Variants in HMGXB3 observed in about 807,000 individuals in gnomAD.
HMGXB3 encodes the protein HMG domain-containing protein 3.
HMGXB3 carries 45 observed loss-of-function variants against 121.5 expected under a neutral mutation model. The observed-to-expected ratio is 0.37, with a 90% CI of 0.29 to 0.47. The LOEUF is 0.47. Ranked by LOEUF, HMGXB3 falls within the 20% of genes least tolerant of loss-of-function variation. The pLI, the probability that HMGXB3 is intolerant of heterozygous loss-of-function variation, is 0.99. For synonymous variants in HMGXB3, 590 were observed against 624.1 expected, an observed-to-expected ratio of 0.95 and a Z score of 0.81; for missense variants, 1,376 against 1,602.2, an observed-to-expected ratio of 0.86 and a Z score of 2.41.
chr5:150,018,163 T>C (rs1028946195), intron 5 of HMGXB3, among the ~76,000 whole-genome samples: 2 of 152,228 alleles, frequency 1.3e-5, no homozygotes, highest in Non-Finnish European at 2.9e-5. Flanking sequence ...GGGTTCTAGG[T>C]CTAGCTCTGC....
At chr5:150,023,411 A>C (rs971589133) in intron 6 of HMGXB3, among the ~76,000 whole-genome samples, 1 of 152,206 alleles carries the variant, frequency 6.6e-6, no homozygotes, top group Non-Finnish European at 1.5e-5. Context: ...ATAACTAATT[A>C]GGAGTGGAGC....
intron 1 of HMGXB3, among the ~76,000 whole-genome samples, chr5:150,003,634 A>T (rs1448967790): frequency 3.3e-5 from 5 of 149,494 alleles, no homozygotes; most frequent in Non-Finnish European, 7.4e-5. Context: ...GAACTCTTCC[A>T]TTTTTTTTTC....
intron 11 of HMGXB3, among the ~76,000 whole-genome samples, chr5:150,035,545 C>T (rs946096203): frequency 1.3e-5 from 2 of 152,138 alleles, no homozygotes; most frequent in Admixed American, 6.5e-5. Context: ...ATATGTCCAT[C>T]ACATATGAAT....
chr5:150,020,745 G>C (rs754488117), intron 6 of HMGXB3, among the ~76,000 whole-genome samples: 1 of 119,248 alleles, frequency 8.4e-6, no homozygotes, highest in Non-Finnish European at 1.6e-5. Context: ...AACTGAAACA[G>C]CTTTTTTTTT....
Position 150,037,175 on chromosome 5 carries a change from A to G in HMGXB3, c.2286-225A>G, listed in dbSNP as rs1353742720. Among the ~76,000 whole-genome samples the G allele has an allele frequency of 2.0e-5, 3 of 152,120 alleles. No individual in the cohort carries two copies. In the East Asian group the frequency reaches 5.8e-4, roughly 29 times the overall value. On this transcript the variant is annotated intron_variant, in intron 12 of 19. Coordinates refer to ENST00000502717, the MANE Select transcript of HMGXB3 (RefSeq NM_014983.3). ...GTTTACATCTGGACTGCCCCACACAATGTTTAGGTTTGGGAGTTCATTGGG... is the reference window on the plus strand; with the variant it reads ...GTTTACATCTGGACTGCCCCACACAGTGTTTAGGTTTGGGAGTTCATTGGG...
intron 3 of HMGXB3, among the ~76,000 whole-genome samples, chr5:150,009,820 C>G (rs893034597): frequency 2.0e-5 from 3 of 152,172 alleles, no homozygotes; most frequent in African/African-American, 4.8e-5. Flanking sequence ...CAGGTTCTAG[C>G]TCACAGTTTC....
chr5:150,030,860 T>C (rs1026179721), intron 10 of HMGXB3, 21 bp downstream of exon 10: 57 of 1,525,908 alleles, frequency 3.7e-5, no homozygotes, highest in Non-Finnish European at 4.8e-5. Context: ...AGCTAGGTGG[T>C]GGTGGGTTGA....
intron 14 of HMGXB3, 43 bp from the exon 15 acceptor site, chr5:150,041,742 G>A (rs1756638598): frequency 6.7e-7 from 1 of 1,491,708 alleles, no homozygotes; most frequent in Non-Finnish European, 9.1e-7. Flanking sequence ...TGGCTTCAGT[G>A]TCTTTTTCTG....
In HMGXB3 at chr5:150,036,817, T is replaced by C. The variant is rs1328740479; in HGVS notation, c.2165T>C (p.Ile722Thr). Residue 722 changes from isoleucine (I) to threonine (T), a missense_variant, in exon 12 of 20, where the codon ATC becomes ACC. Ile to Thr is a moderately conservative substitution (Grantham distance 89, BLOSUM62 -1). Coordinates refer to ENST00000502717, the MANE Select transcript of HMGXB3 (RefSeq NM_014983.3). ...CATGAACTCAACAGCTCTCGACTTA[T>C]CTTGTCCAACGTGAGTGAGGAGACA... ...LIHELNSSRL[I>T]LSNVSEETVT... The C allele has an allele frequency of 5.8e-6, 9 of 1,551,606 alleles. No homozygotes were observed. In the Admixed American group the frequency reaches 5.9e-5, roughly 10 times the overall value.
chr5:150,006,766 CCTT>C (rs1755713936), intron 3 of HMGXB3, 119 bp downstream of exon 3: 3 of 836,812 alleles, frequency 3.6e-6, no homozygotes, highest in Non-Finnish European at 5.5e-6. Flanking sequence ...ATCGTTTTAT[CCTT>C]CTTGACTCTG....
At chr5:150,050,120 C>T in intron 18 of HMGXB3, 132 bp from the exon 19 acceptor site, 1 of 745,732 alleles carries the variant, frequency 1.3e-6, no homozygotes, top group Non-Finnish European at 2.3e-6. Flanking sequence ...GCCATGGGCT[C>T]TGGCAGGATG....
intron 19 of HMGXB3, 150 bp from the exon 20 acceptor site, chr5:150,051,575 A>G: frequency 3.2e-6 from 2 of 622,740 alleles, no homozygotes; most frequent in East Asian, 2.8e-5. Context: ...AAATGGAGGC[A>G]CTGGCGGGCA....
intron 15 of HMGXB3, among the ~76,000 whole-genome samples, chr5:150,044,945 C>T (rs13178760): frequency 0.076 from 11,499 of 152,108 alleles, 477 homozygotes; most frequent in African/African-American, 0.1. Context: ...GGGAGGATGT[C>T]GGCAATCCAC....
chr5:150,029,119 G>T (rs968270833), intron 9 of HMGXB3, among the ~76,000 whole-genome samples: 2 of 152,020 alleles, frequency 1.3e-5, no homozygotes, highest in Non-Finnish European at 2.9e-5. Flanking sequence ...GTGCTTTCAG[G>T]TCTTTTCCTG....
chr5:150,020,448 T>C (rs1284758649), intron 6 of HMGXB3, among the ~76,000 whole-genome samples: 1 of 152,238 alleles, frequency 6.6e-6, no homozygotes, highest in Non-Finnish European at 1.5e-5. Flanking sequence ...TGACCATATT[T>C]CCTGTGCTTA....
chr5:150,030,622 T>G, intron 9 of HMGXB3, 119 bp from the exon 10 acceptor site: 2 of 749,160 alleles, frequency 2.7e-6, no homozygotes, highest in Non-Finnish European at 4.5e-6. Context: ...AGAGGGCTCA[T>G]TTGGAGAATA....
At chr5:150,020,573 G>T (rs1171585581) in intron 6 of HMGXB3, among the ~76,000 whole-genome samples, 8 of 151,356 alleles carry the variant, frequency 5.3e-5, no homozygotes, top group African/African-American at 1.5e-4. Flanking sequence ...TGTATGTGTG[G>T]TTTTTTTTCC....
In HMGXB3 at chr5:150,004,938, C is replaced by T. The variant is rs1313310263; in HGVS notation, c.86C>T (p.Pro29Leu). ...EAYCYTSPGP[P>L]KKKKKYKIHG... is the part of the protein sequence containing the mutation. ...TATTGTTACACCTCTCCTGGGCCACCCAAGAAGAAGAAAAAGTATAAAATA... is the reference window on the plus strand; with the variant it reads ...TATTGTTACACCTCTCCTGGGCCACTCAAGAAGAAGAAAAAGTATAAAATA... The change falls in exon 2 of 20, where the codon CCC (proline) becomes CTC (leucine). Residue 29 changes from proline (P) to leucine (L), a missense_variant. This residue lies in a region of HMGXB3 where 1,116 missense variants were observed against 1,369.0 expected (regional missense o/e 0.82). Coordinates refer to ENST00000502717, the MANE Select transcript of HMGXB3 (RefSeq NM_014983.3). The T allele has an allele frequency of 6.4e-7, 1 of 1,551,474 alleles. No individual in the cohort carries two copies. Among genetic ancestry groups the T allele is most frequent in the South Asian group, 1.2e-5 (1 of 83,978 alleles).
rs1300638145 is a variant in HMGXB3, at chr5:150,011,830, T to C, written c.811-425T>C. Among the ~76,000 whole-genome samples the C allele has an allele frequency of 5.9e-5, 9 of 152,202 alleles. No individual in the cohort carries two copies. The East Asian group carries it at 1.7e-3, about 29-fold the overall frequency. ...TTTCACCACGTTGGCCAGGCTGGTC[T>C]TGAACTCCTGACCTCAGGTGATCCG... On this transcript the variant is annotated intron_variant, in intron 4 of 19. Transcript: ENST00000502717.
Sources: allele counts gnomAD v4.1 joint callset (sites outside exome capture counted in the v4.1 genomes callset), GRCh38; gene constraint gnomAD v4.1.1; regional missense constraint gnomAD v4.1.1; transcripts MANE v1.5; gene names NCBI Gene and HGNC (gene_info 2026-07-23, HGNC 2026-07-21).